PCCB: variants seen among roughly 807,000 people sequenced by gnomAD.
PCCB encodes propionyl-CoA carboxylase subunit beta, also known as propionyl-CoA carboxylase beta chain, mitochondrial.
Under a neutral mutation model 60.7 loss-of-function variants are expected in PCCB, and 43 were observed. The observed-to-expected ratio is 0.71, with a 90% CI of 0.55 to 0.91. The LOEUF is 0.91. PCCB is among the 40% of genes least tolerant of loss of function. The pLI is 0.00. For synonymous variants in PCCB, 276 were observed against 255.9 expected, an observed-to-expected ratio of 1.08 and a Z score of -0.75; for missense variants, 766 against 702.8, an observed-to-expected ratio of 1.09 and a Z score of -1.02.
intron 1 of PCCB, among the ~76,000 whole-genome samples, chr3:136,254,165 G>C: frequency 6.6e-6 from 1 of 151,936 alleles, no homozygotes; most frequent in Admixed American, 6.6e-5. Context: ...CGGTAGGCTA[G>C]GGTATTTGCT....
intron 2 of PCCB, 159 bp downstream of exon 2, chr3:136,256,134 G>C: frequency 9.5e-7 from 1 of 1,055,052 alleles, no homozygotes. Context: ...GTAGAGATGG[G>C]CTTTCGCCAT....
chr3:136,264,831 C>G (rs1313295192), intron 5 of PCCB, among the ~76,000 whole-genome samples: 1 of 141,742 alleles, frequency 7.1e-6, no homozygotes, highest in African/African-American at 2.6e-5. Context: ...GCCAAGATTG[C>G]GCCACCGCGC....
intron 3 of PCCB, among the ~76,000 whole-genome samples, chr3:136,258,078 T>A (rs1941723398): frequency 6.6e-6 from 1 of 152,138 alleles, no homozygotes; most frequent in African/African-American, 2.4e-5. Context: ...GAATCACATT[T>A]GTTTTGTGCA....
At chr3:136,268,087 GATATATATATATATAT>G (rs61160895) in intron 5 of PCCB, among the ~76,000 whole-genome samples, 21 of 93,798 alleles carry the variant, frequency 2.2e-4, no homozygotes, top group African/African-American at 8.7e-4. Flanking sequence ...TGTGTGTGTA[GATATATATATATATAT>G]ATATATATAT....
Position 136,326,788 on chromosome 3 carries a change from T to A in PCCB, c.1091-15T>A. The A allele has an allele frequency of 6.6e-7, 1 of 1,523,272 alleles. No homozygotes were observed. The highest frequency in any genetic ancestry group is 9.1e-7 in the Non-Finnish European group (1 of 1,097,188). The allele number at this position is 1,523,272 out of a possible 1,614,324, so 94.4% of individuals were successfully genotyped here. ...TTGCCTGGATACTCAGTATGGATAA[T>A]CTCTCTCTTTCTAGGATGCTTGGAT... On this transcript the variant is annotated splice_polypyrimidine_tract_variant and intron_variant, in intron 10 of 14. Transcript: ENST00000251654.
chr3:136,314,028 G>A (rs1481685810), intron 9 of PCCB, among the ~76,000 whole-genome samples: 3 of 144,380 alleles, frequency 2.1e-5, no homozygotes, highest in African/African-American at 7.6e-5. Context: ...CGTTTTAGAA[G>A]GAGTCACACA....
intron 7 of PCCB, among the ~76,000 whole-genome samples, chr3:136,296,148 A>G (rs749666854): frequency 1.6e-4 from 24 of 152,254 alleles, no homozygotes; most frequent in Non-Finnish European, 3.4e-4. Context: ...ATAGTGTACA[A>G]TTCAGTGGTT....
At chr3:136,308,944 T>G (rs1255712823) in intron 9 of PCCB, among the ~76,000 whole-genome samples, 3 of 152,112 alleles carry the variant, frequency 2.0e-5, no homozygotes, top group South Asian at 2.1e-4. Flanking sequence ...AAAATCTGTT[T>G]CCTGAAACAG....
rs370521151 is a variant in PCCB at position 136,304,383 on chromosome 3, T to C, written c.966+3272T>C. Among the ~76,000 whole-genome samples the C allele has an allele frequency of 3.0e-3, 336 of 110,216 alleles. 32 individuals are homozygous for C. Among genetic ancestry groups the C allele is most frequent in the African/African-American group, 9.8e-3 (319 of 32,500 alleles). The allele number at this position is 110,216 out of a possible 152,430, so 72.3% of individuals were successfully genotyped here. Reference sequence around the variant, plus strand: ...TTGCCCAGGCTGGCTTTTCCAATTATTTATTTATTTTTTTTTGAGTTGGAG... The same window carrying C: ...TTGCCCAGGCTGGCTTTTCCAATTACTTATTTATTTTTTTTTGAGTTGGAG... On this transcript the variant is annotated intron_variant, in intron 9 of 14. Transcript: ENST00000251654.
intron 6 of PCCB, among the ~76,000 whole-genome samples, chr3:136,293,009 T>C (rs74654481): frequency 0.011 from 1,735 of 152,296 alleles, 29 homozygotes; most frequent in East Asian, 0.047. Flanking sequence ...ATTGATTTAT[T>C]AGTTTTTTTG....
chr3:136,276,432 C>G (rs1942332450), intron 5 of PCCB, among the ~76,000 whole-genome samples: 1 of 152,192 alleles, frequency 6.6e-6, no homozygotes, highest in Non-Finnish European at 1.5e-5. Flanking sequence ...AGTAGGAAAG[C>G]TATTCACCTC....
At chr3:136,326,144 A>G (rs898053890) in intron 10 of PCCB, among the ~76,000 whole-genome samples, 1 of 152,086 alleles carries the variant, frequency 6.6e-6, no homozygotes, top group African/African-American at 2.4e-5. Flanking sequence ...GGACTTGATA[A>G]TGTGCCTTAC....
rs1166593056 is a variant in PCCB at position 136,262,074 on chromosome 3, C to T, written c.543+9C>T. 1 of 1,497,820 alleles carries T rather than the reference C, an allele frequency of 6.7e-7. No individual in the cohort carries two copies. Among genetic ancestry groups the T allele is most frequent in the Non-Finnish European group, 9.1e-7 (1 of 1,097,348 alleles). The allele number at this position is 1,497,820 out of a possible 1,614,324, so 92.8% of individuals were successfully genotyped here. ...ATGCAGACATCTTTCTGGTGAGAAA[C>T]CTGTTAATAGAGAATAAAAAAATAC... On this transcript the variant is annotated intron_variant, in intron 5 of 14. Coordinates refer to ENST00000251654, the MANE Select transcript of PCCB (RefSeq NM_000532.5).
intron 9 of PCCB, among the ~76,000 whole-genome samples, chr3:136,310,850 T>C (rs974784746): frequency 5.9e-5 from 9 of 152,304 alleles, no homozygotes; most frequent in African/African-American, 1.9e-4. Context: ...CAATTATTTA[T>C]ATAGACGCTG....
intron 8 of PCCB, among the ~76,000 whole-genome samples, chr3:136,299,940 G>A (rs1044080307): frequency 3.6e-4 from 54 of 151,554 alleles, no homozygotes; most frequent in Admixed American, 1.5e-3. Flanking sequence ...ATATGTATAC[G>A]CATATGCATA....
Position 136,323,576 on chromosome 3 carries a change from G to C in PCCB, c.1091-3227G>C, listed in dbSNP as rs1576357509. Among the ~76,000 whole-genome samples the C allele has an allele frequency of 5.3e-5, 8 of 152,272 alleles. No individual in the cohort carries two copies. The South Asian group carries it at 1.7e-3, about 32-fold the overall frequency. On this transcript the variant is annotated intron_variant, in intron 10 of 14. Transcript: ENST00000251654. The stretch of plus-strand genomic sequence containing the variant: ...AGGTGGGCAGATCACCTGAGGTCAA[G>C]AGTTCGAGACCAACCTAGCCAATGT...
intron 9 of PCCB, among the ~76,000 whole-genome samples, chr3:136,314,032 T>TCA (rs34354052): frequency 0.2 from 29,984 of 150,782 alleles, 3,229 homozygotes; most frequent in Non-Finnish European, 0.24. Context: ...TTAGAAGGAG[T>TCA]CACACACACA....
intron 5 of PCCB, among the ~76,000 whole-genome samples, chr3:136,268,096 ATATATATATATATATATATATATATG>A (rs1266793131): frequency 2.0e-4 from 21 of 106,552 alleles, no homozygotes; most frequent in African/African-American, 7.8e-4. Context: ...AGATATATAT[ATATATATATATATATATATATATATG>A]TATATATATA....
At position 136,326,223 on chromosome 3, in the gene PCCB, C is replaced by T. The variant is rs879004828; in HGVS notation, c.1091-580C>T. Reference sequence around the variant, plus strand: ...TTTTCTGATGATGGTCCTTGTCTTGCTTTGGTATTGGGGTAATACTGGTCT... The same window carrying T: ...TTTTCTGATGATGGTCCTTGTCTTGTTTTGGTATTGGGGTAATACTGGTCT... On this transcript the variant is annotated intron_variant, in intron 10 of 14. Coordinates refer to ENST00000251654, the MANE Select transcript of PCCB (RefSeq NM_000532.5). 24 of 620,848 alleles carry T rather than the reference C, an allele frequency of 3.9e-5. No individual in the cohort carries two copies. The South Asian group carries it at 4.1e-4, about 10-fold the overall frequency. The allele number at this position is 620,848 out of a possible 1,614,324, so 38.5% of individuals were successfully genotyped here. A position where few individuals can be genotyped will look rare whatever the true frequency, so the allele number is the denominator to read the frequency against.
Sources: gnomAD v4.1 joint callset for allele counts (sites outside exome capture counted in the v4.1 genomes callset) on GRCh38, gnomAD v4.1.1 for gene constraint, MANE v1.5 for transcripts, NCBI Gene and HGNC (gene_info 2026-07-23, HGNC 2026-07-21) for gene names.